Variants in CDH13 observed in about 807,000 individuals in gnomAD.
CDH13 encodes the protein cadherin 13.
In CDH13, 24 loss-of-function variants were observed where a neutral mutation model predicts 63.8. That is an observed-to-expected ratio of 0.38 (90% CI 0.27 to 0.53). CDH13 has a LOEUF of 0.53. Ranked by LOEUF, CDH13 falls within the 20% of genes least tolerant of loss-of-function variation. The pLI is 0.85. For missense variants in CDH13, 1,049 were observed against 903.1 expected (o/e 1.16, Z -2.07); for synonymous variants, 503 against 355.3 (o/e 1.42, Z -4.67).
intron 5 of CDH13, among the ~76,000 whole-genome samples, chr16:83,246,045 T>C (rs920867316): frequency 1.3e-5 from 2 of 152,242 alleles, no homozygotes; most frequent in African/African-American, 4.8e-5. Flanking sequence ...CCCAAATTCC[T>C]ATTTCTTGTT....
At chr16:82,971,443 G>A (rs1186017200) in intron 2 of CDH13, among the ~76,000 whole-genome samples, 4 of 152,180 alleles carry the variant, frequency 2.6e-5, no homozygotes, top group Non-Finnish European at 5.9e-5. Flanking sequence ...ACAACCCTGT[G>A]AGATGTGTAT....
At chr16:83,497,388 A>G (rs13333146) in intron 7 of CDH13, among the ~76,000 whole-genome samples, 1,725 of 152,110 alleles carry the variant, frequency 0.011, 35 homozygotes, top group African/African-American at 0.04. Context: ...GGAAGTCATC[A>G]TTCTCAGTAA....
intron 7 of CDH13, among the ~76,000 whole-genome samples, chr16:83,545,703 C>T (rs1476797598): frequency 6.6e-6 from 1 of 152,202 alleles, no homozygotes; most frequent in African/African-American, 2.4e-5. Flanking sequence ...CCTCTCCCTG[C>T]CGTATCTTCT....
At chr16:83,455,416 C>G (rs2072995555) in intron 6 of CDH13, among the ~76,000 whole-genome samples, 1 of 152,138 alleles carries the variant, frequency 6.6e-6, no homozygotes, top group South Asian at 2.1e-4. Context: ...GTCGCAGGTT[C>G]CATCCATTGC....
chr16:83,076,434 C>A (rs936772957), intron 3 of CDH13, among the ~76,000 whole-genome samples: 1 of 152,112 alleles, frequency 6.6e-6, no homozygotes, highest in Non-Finnish European at 1.5e-5. Flanking sequence ...GACAAAGATC[C>A]TTGCATGGCA....
At chr16:82,763,966 C>T (rs902309189) in intron 1 of CDH13, among the ~76,000 whole-genome samples, 3 of 152,176 alleles carry the variant, frequency 2.0e-5, no homozygotes, top group Non-Finnish European at 2.9e-5. Flanking sequence ...AGCCACTGTG[C>T]CTGGCCATCC....
intron 2 of CDH13, among the ~76,000 whole-genome samples, chr16:82,871,494 G>A (rs765437300): frequency 1.3e-5 from 2 of 152,126 alleles, no homozygotes; most frequent in Non-Finnish European, 2.9e-5. Flanking sequence ...ACACTAACAG[G>A]CATCTAAAAG....
At chr16:83,633,643 T>C (rs1447843131) in intron 8 of CDH13, among the ~76,000 whole-genome samples, 1 of 152,202 alleles carries the variant, frequency 6.6e-6, no homozygotes, top group African/African-American at 2.4e-5. Context: ...CCTGGGCTGA[T>C]TGCTCATTGG....
chr16:83,612,158 A>G (rs1256460333), intron 8 of CDH13, among the ~76,000 whole-genome samples: 1 of 152,092 alleles, frequency 6.6e-6, no homozygotes, highest in Non-Finnish European at 1.5e-5. Context: ...TGGTACTATT[A>G]AATTTTTAAA....
rs142956444 is a variant in CDH13, at chr16:83,717,086, C to T, written c.1539-31022C>T. 318 of 152,170 alleles carry T rather than the reference C, an allele frequency of 2.1e-3. 2 individuals are homozygous for T. The highest frequency in any genetic ancestry group is 7.2e-3 in the African/African-American group (297 of 41,462). 9.4% of individuals were successfully genotyped at this position (152,170 alleles called of 1,614,324 possible). A position where few individuals can be genotyped will look rare whatever the true frequency, so the allele number is the denominator to read the frequency against. On this transcript the variant is annotated intron_variant, in intron 10 of 13. Transcript: ENST00000567109. ...ACATGTCTGGCCAACATGGTGAAGC[C>T]CCGTCTCTACTAAAAATACAAAAAT...
chr16:83,452,077 C>T lies in CDH13; in HGVS notation c.782-34400C>T, dbSNP rs192123124. On this transcript the variant is annotated intron_variant, in intron 6 of 13. Coordinates refer to ENST00000567109, the MANE Select transcript of CDH13 (RefSeq NM_001257.5). ...CCGGTCAGCCCTAATGTCACACGCACTCCCCACCGCCTGAGATTACAGGAC... is the reference window on the plus strand; with the variant it reads ...CCGGTCAGCCCTAATGTCACACGCATTCCCCACCGCCTGAGATTACAGGAC... Among the ~76,000 whole-genome samples, 7 of 152,284 alleles carry T rather than the reference C, an allele frequency of 4.6e-5. No individual in the cohort carries two copies. The East Asian group carries it at 1.4e-3, about 29-fold the overall frequency.
intron 6 of CDH13, among the ~76,000 whole-genome samples, chr16:83,440,722 C>G (rs976196162): frequency 4.7e-5 from 7 of 147,442 alleles, no homozygotes; most frequent in Non-Finnish European, 8.9e-5. Flanking sequence ...GAGGTGGAGG[C>G]TACAGTGAGT....
chr16:83,012,205 T>G (rs987096142), intron 2 of CDH13, among the ~76,000 whole-genome samples: 2 of 152,304 alleles, frequency 1.3e-5, no homozygotes, highest in East Asian at 3.9e-4. Flanking sequence ...TCTGAGTTCT[T>G]TGGATTTTTA....
chr16:83,702,301 A>C (rs1906360954), intron 10 of CDH13, among the ~76,000 whole-genome samples: 1 of 152,174 alleles, frequency 6.6e-6, no homozygotes, highest in Non-Finnish European at 1.5e-5. Flanking sequence ...TAACCCCTCA[A>C]ATCTCAATGG....
intron 6 of CDH13, among the ~76,000 whole-genome samples, chr16:83,383,982 G>A (rs146549442): frequency 2.5e-4 from 38 of 152,110 alleles, no homozygotes; most frequent in East Asian, 9.7e-4. Flanking sequence ...ACAAATATAC[G>A]TACATATATA....
At chr16:82,758,855 GT>G (rs1460964831) in intron 1 of CDH13, among the ~76,000 whole-genome samples, 1 of 152,192 alleles carries the variant, frequency 6.6e-6, no homozygotes, top group Admixed American at 6.5e-5. Flanking sequence ...GCATACTTCA[GT>G]TTTCCCCTGT....
intron 3 of CDH13, among the ~76,000 whole-genome samples, chr16:83,079,551 A>G (rs1014030270): frequency 6.6e-6 from 1 of 152,236 alleles, no homozygotes; most frequent in Admixed American, 6.5e-5. Context: ...TAGTGAAACA[A>G]TGTGTGCAAA....
intron 2 of CDH13, among the ~76,000 whole-genome samples, chr16:82,910,862 T>C (rs1256206643): frequency 3.9e-5 from 6 of 152,204 alleles, no homozygotes; most frequent in South Asian, 2.1e-4. Context: ...ACCCAGAGGG[T>C]CAACAGTGCC....
chr16:83,088,389 A>G (rs1484976165), intron 3 of CDH13, among the ~76,000 whole-genome samples: 1 of 152,190 alleles, frequency 6.6e-6, no homozygotes, highest in Non-Finnish European at 1.5e-5. Context: ...CTTTGGACGC[A>G]ATTTGCAATC....
Sources: allele counts gnomAD v4.1 joint callset (sites outside exome capture counted in the v4.1 genomes callset), GRCh38; gene constraint gnomAD v4.1.1; transcripts MANE v1.5; gene names NCBI Gene and HGNC (gene_info 2026-07-23, HGNC 2026-07-21).